PLB1: variants seen among roughly 807,000 people sequenced by gnomAD.
PLB1 encodes the protein phospholipase B1, membrane-associated.
Under a neutral mutation model 227.4 loss-of-function variants are expected in PLB1, and 242 were observed. That is an observed-to-expected ratio of 1.06 (90% CI 0.96 to 1.18). The LOEUF (loss-of-function observed/expected upper bound fraction) is 1.18, where lower values mean the gene tolerates loss of function less well. Ranked by LOEUF, PLB1 falls within the 50% of genes most tolerant of loss-of-function variation. The pLI, the probability that PLB1 is intolerant of heterozygous loss-of-function variation, is 0.00. For synonymous variants in PLB1, 757 were observed against 682.2 expected, an observed-to-expected ratio of 1.11 and a Z score of -1.71; for missense variants, 1,858 against 1,816.3, an observed-to-expected ratio of 1.02 and a Z score of -0.42.
At chr2:28,620,067 G>T (rs1437504030) in intron 46 of PLB1, among the ~76,000 whole-genome samples, 198 bp from the exon 47 acceptor site, 1 of 152,116 alleles carries the variant, frequency 6.6e-6, no homozygotes, top group African/African-American at 2.4e-5. Flanking sequence ...AACAGGACTT[G>T]GTTACTGGCT....
chr2:28,619,541 T>A (rs1002397304), intron 46 of PLB1, among the ~76,000 whole-genome samples: 23 of 149,088 alleles, frequency 1.5e-4, no homozygotes, highest in African/African-American at 5.2e-4. Context: ...TTTTTTTTTT[T>A]AAGACAGGGC....
chr2:28,546,098 C>G (rs751778675), intron 14 of PLB1, among the ~76,000 whole-genome samples: 1 of 152,194 alleles, frequency 6.6e-6, no homozygotes, highest in East Asian at 1.9e-4. Context: ...GCAGCCCCAT[C>G]TAAACATGCC....
Position 28,552,972 on chromosome 2 carries a change from C to T in PLB1, c.1128C>T (p.Ser376=), listed in dbSNP as rs766858294. ...TCAGATGTCCTGACAAAGACCCCTC[C>T]GATACGGTTCCCACCTCAGGTACAC... ...AEIRCPDKDP[S]DTVPTSVHRL... Residue 376 remains serine (S), a synonymous_variant, in exon 17 of 58, where the codon TCC becomes TCT. Coordinates refer to ENST00000327757, the MANE Select transcript of PLB1 (RefSeq NM_153021.5). The T allele has an allele frequency of 1.1e-5, 18 of 1,613,768 alleles. No individual in the cohort carries two copies. Among genetic ancestry groups the T allele is most frequent in the Middle Eastern group, 1.6e-4 (1 of 6,082 alleles).
At chr2:28,589,580 A>G (rs771111261) in intron 27 of PLB1, 26 bp downstream of exon 27, 2 of 1,612,410 alleles carry the variant, frequency 1.2e-6, no homozygotes, top group Non-Finnish European at 1.7e-6. Context: ...ATCGTAGAAA[A>G]ATAGAATCCA....
intron 42 of PLB1, among the ~76,000 whole-genome samples, 168 bp from the exon 43 acceptor site, chr2:28,606,328 G>C (rs1374331829): frequency 6.6e-6 from 1 of 152,228 alleles, no homozygotes; most frequent in African/African-American, 2.4e-5. Flanking sequence ...GAGAAGCAAA[G>C]CGACTGGCCC....
At chr2:28,530,458 G>A (rs1438307500) in intron 8 of PLB1, among the ~76,000 whole-genome samples, 3 of 152,310 alleles carry the variant, frequency 2.0e-5, no homozygotes, top group African/African-American at 4.8e-5. Flanking sequence ...ACATAACAAT[G>A]CAAGCTACAG....
intron 54 of PLB1, among the ~76,000 whole-genome samples, chr2:28,631,633 C>CA (rs1399977517): frequency 2.0e-5 from 3 of 152,206 alleles, no homozygotes; most frequent in Non-Finnish European, 4.4e-5. Flanking sequence ...AGATGCTCCC[C>CA]ATCTGACCTG....
chr2:28,530,001 T>A lies in PLB1; in HGVS notation c.468+222T>A, dbSNP rs562195864. Reference sequence around the variant, plus strand: ...TTTTTATTTATTTATTTATTTATTTTGAGACCAGTTATGAGACTGGCTAAT... The same window carrying A: ...TTTTTATTTATTTATTTATTTATTTAGAGACCAGTTATGAGACTGGCTAAT... On this transcript the variant is annotated intron_variant, in intron 8 of 57. Transcript: ENST00000327757. Among the ~76,000 whole-genome samples the A allele has an allele frequency of 2.6e-5, 4 of 152,322 alleles. No homozygotes were observed. The South Asian group carries it at 6.2e-4, about 24-fold the overall frequency.
chr2:28,554,962 T>C (rs1385363411), intron 17 of PLB1, among the ~76,000 whole-genome samples: 1 of 152,006 alleles, frequency 6.6e-6, no homozygotes. Context: ...AGATTTAGGC[T>C]CCTCGATCTG....
At chr2:28,531,563 G>A (rs765862674) in intron 8 of PLB1, among the ~76,000 whole-genome samples, 13 of 152,046 alleles carry the variant, frequency 8.6e-5, no homozygotes, top group Admixed American at 3.9e-4. Flanking sequence ...CGCCCAACTC[G>A]GCCTCCCAAA....
intron 33 of PLB1, among the ~76,000 whole-genome samples, chr2:28,597,782 G>A (rs943293938): frequency 6.6e-6 from 1 of 152,172 alleles, no homozygotes; most frequent in African/African-American, 2.4e-5. Context: ...ATCTGGTAAA[G>A]AAACAGCTCT....
At chr2:28,541,582 G>A (rs1572858915) in intron 12 of PLB1, 125 bp from the exon 13 acceptor site, 1 of 665,654 alleles carries the variant, frequency 1.5e-6, no homozygotes, top group East Asian at 2.7e-5. Context: ...CTTCAGAATA[G>A]CACTTGACCA....
chr2:28,521,140 A>C (rs1285375400), intron 4 of PLB1, among the ~76,000 whole-genome samples: 1 of 152,172 alleles, frequency 6.6e-6, no homozygotes, highest in Non-Finnish European at 1.5e-5. Flanking sequence ...CTTTCCTTGT[A>C]TATCTAGATC....
At chr2:28,503,484 G>A (rs1434879105) in intron 1 of PLB1, among the ~76,000 whole-genome samples, 4 of 152,064 alleles carry the variant, frequency 2.6e-5, no homozygotes, top group African/African-American at 9.7e-5. Context: ...GTTCTCTATT[G>A]AGGCATAGCA....
At chr2:28,639,993 C>T (rs1476686128) in intron 56 of PLB1, among the ~76,000 whole-genome samples, 1 of 152,216 alleles carries the variant, frequency 6.6e-6, no homozygotes, top group African/African-American at 2.4e-5. Flanking sequence ...GTCACCCTAG[C>T]ATCTCTCCCA....
At chr2:28,622,772 G>A (rs896831488) in intron 49 of PLB1, among the ~76,000 whole-genome samples, 3 of 152,164 alleles carry the variant, frequency 2.0e-5, no homozygotes, top group Non-Finnish European at 4.4e-5. Context: ...TGTAATCCCA[G>A]CTACTCGGGA....
chr2:28,533,493 C>T (rs771383484), intron 9 of PLB1, among the ~76,000 whole-genome samples: 2 of 152,222 alleles, frequency 1.3e-5, no homozygotes, highest in Non-Finnish European at 2.9e-5. Context: ...GTGCATTGCT[C>T]TCTGTACTCA....
chr2:28,549,333 A>T (rs1673816255), intron 15 of PLB1, among the ~76,000 whole-genome samples: 1 of 151,084 alleles, frequency 6.6e-6, no homozygotes, highest in South Asian at 2.1e-4. Context: ...ATATGTGCCT[A>T]GTATGTAGTA....
intron 53 of PLB1, 37 bp from the exon 54 acceptor site, chr2:28,630,549 C>A (rs749400818): frequency 6.3e-7 from 1 of 1,579,834 alleles, no homozygotes; most frequent in Non-Finnish European, 8.7e-7. Context: ...GCCACAGTGC[C>A]CCAGGCAGCC....
Sources: gnomAD v4.1 joint callset for allele counts (sites outside exome capture counted in the v4.1 genomes callset) on GRCh38, gnomAD v4.1.1 for gene constraint, MANE v1.5 for transcripts, NCBI Gene and HGNC (gene_info 2026-07-23, HGNC 2026-07-21) for gene names.